Variants in FMN2 observed in about 807,000 individuals in gnomAD.
FMN2 encodes formin-2.
FMN2 carries 51 observed loss-of-function variants against 142.3 expected under a neutral mutation model. That is an observed-to-expected ratio of 0.36 (90% CI 0.29 to 0.45). The LOEUF (loss-of-function observed/expected upper bound fraction) is 0.45. FMN2 is among the 20% of genes least tolerant of loss of function. The pLI, the probability that FMN2 is intolerant of heterozygous loss-of-function variation, is 1.00. For synonymous variants in FMN2, 882 were observed against 869.8 expected, an observed-to-expected ratio of 1.01 and a Z score of -0.25; for missense variants, 1,936 against 2,122.8, an observed-to-expected ratio of 0.91 and a Z score of 1.73.
At chr1:240,199,761 A>G (rs1440199525) in intron 4 of FMN2, among the ~76,000 whole-genome samples, 2 of 152,312 alleles carry the variant, frequency 1.3e-5, no homozygotes, top group South Asian at 2.1e-4. Flanking sequence ...AAAATTGGTA[A>G]TCTATAAAGC....
At chr1:240,273,152 A>G (rs1483596193) in intron 7 of FMN2, among the ~76,000 whole-genome samples, 2 of 152,176 alleles carry the variant, frequency 1.3e-5, no homozygotes, top group African/African-American at 4.8e-5. Context: ...TAAGTTGTAA[A>G]GAGAATTTCT....
At chr1:240,346,863 G>T (rs543072418) in intron 13 of FMN2, among the ~76,000 whole-genome samples, 10 of 152,138 alleles carry the variant, frequency 6.6e-5, no homozygotes, top group African/African-American at 2.2e-4. Flanking sequence ...AAGAACATAA[G>T]AAATTTAAAG....
chr1:240,299,874 T>G (rs1485450268), intron 8 of FMN2, among the ~76,000 whole-genome samples: 1 of 152,102 alleles, frequency 6.6e-6, no homozygotes, highest in East Asian at 1.9e-4. Context: ...GAACAAGTTT[T>G]TCCATGTTTT....
At chr1:240,343,790 G>A (rs1671815792) in intron 13 of FMN2, among the ~76,000 whole-genome samples, 3 of 152,146 alleles carry the variant, frequency 2.0e-5, no homozygotes, top group South Asian at 4.1e-4. Context: ...GAAGTAGAAA[G>A]CAATAAAGAC....
chr1:240,450,247 C>T lies in FMN2; in HGVS notation c.5060+12037C>T, dbSNP rs142449762. On this transcript the variant is annotated intron_variant, in intron 16 of 17. Coordinates refer to ENST00000319653, the MANE Select transcript of FMN2 (RefSeq NM_020066.5). ...CATTTTTGTTTTACAATTAGGCTTT[C>T]TAATTATAACTATAATTTATTAATA... Among the ~76,000 whole-genome samples, 1,135 of 152,200 alleles carry T rather than the reference C, an allele frequency of 7.5e-3. 12 individuals carry two copies. The highest frequency in any genetic ancestry group is 0.025 in the African/African-American group (1,059 of 41,532).
chr1:240,143,009 C>G, intron 2 of FMN2: 1 of 1,530,986 alleles, frequency 6.5e-7, no homozygotes, highest in South Asian at 1.1e-5. Flanking sequence ...CGGTGAGCAG[C>G]CCAGCCATGG....
intron 2 of FMN2, among the ~76,000 whole-genome samples, chr1:240,145,754 C>G (rs749346240): frequency 6.6e-6 from 1 of 151,828 alleles, no homozygotes; most frequent in Non-Finnish European, 1.5e-5. Flanking sequence ...AAGTGATCCT[C>G]CTGCCTCAGC....
intron 2 of FMN2, among the ~76,000 whole-genome samples, chr1:240,138,533 C>G (rs1184473776): frequency 6.6e-6 from 1 of 151,472 alleles, no homozygotes; most frequent in Non-Finnish European, 1.5e-5. Context: ...AACCTCATCT[C>G]TACTAAAAAA....
At chr1:240,178,603 A>G (rs1334741072) in intron 3 of FMN2, among the ~76,000 whole-genome samples, 1 of 151,938 alleles carries the variant, frequency 6.6e-6, no homozygotes, top group African/African-American at 2.4e-5. Flanking sequence ...CACCACGTCC[A>G]GCTAATTTTT....
intron 8 of FMN2, among the ~76,000 whole-genome samples, chr1:240,324,775 C>T (rs189867151): frequency 1.3e-5 from 2 of 150,038 alleles, no homozygotes; most frequent in East Asian, 3.9e-4. Context: ...CCACAAATGA[C>T]TATTTTAAAC....
chr1:240,471,179 G>C (rs1162360268), intron 16 of FMN2, among the ~76,000 whole-genome samples: 1 of 152,106 alleles, frequency 6.6e-6, no homozygotes, highest in Non-Finnish European at 1.5e-5. Context: ...AGAAATACTA[G>C]AAACATTAAA....
At position 240,101,126 on chromosome 1, in the gene FMN2, G is replaced by A. The variant is rs578146703; in HGVS notation, c.1615+7402G>A. ...ATTTCCCTTTTCCGTTTTACCACCA[G>A]CTTCCTATTAGGGCACAAGGCAATC... On this transcript the variant is annotated intron_variant, in intron 1 of 17. Transcript: ENST00000319653. Among the ~76,000 whole-genome samples, 4 of 152,314 alleles carry A rather than the reference G, an allele frequency of 2.6e-5. No homozygotes were observed. In the South Asian group the frequency reaches 8.3e-4, roughly 32 times the overall value.
intron 1 of FMN2, among the ~76,000 whole-genome samples, chr1:240,094,606 T>G (rs1188227690): frequency 6.6e-6 from 1 of 152,196 alleles, no homozygotes; most frequent in Admixed American, 6.5e-5. Context: ...CCCAAGGCCT[T>G]ACCTTAAGAG....
At chr1:240,154,846 C>CCTTCCTTCCTTCCG (rs1558325359) in intron 2 of FMN2, 1 of 81,258 alleles carries the variant, frequency 1.2e-5, no homozygotes, top group East Asian at 3.7e-4. Flanking sequence ...CCTTCCTTCC[C>CCTTCCTTCCTTCCG]TCCCTCCCTC....
chr1:240,351,083 A>G (rs1672081677), intron 13 of FMN2, among the ~76,000 whole-genome samples: 1 of 152,250 alleles, frequency 6.6e-6, no homozygotes, highest in African/African-American at 2.4e-5. Flanking sequence ...GAAGAAATCT[A>G]TCCTCAAAAC....
chr1:240,227,036 T>C lies in FMN2; in HGVS notation c.4065+15801T>C, dbSNP rs565591519. On this transcript the variant is annotated intron_variant, in intron 6 of 17. Transcript: ENST00000319653. ...GGGAAAGAAATAAATGGTCTCCTGA[T>C]TGGAATGGAAGCAGCAAAACATTTT... is the stretch of plus-strand genomic sequence containing the variant. Among the ~76,000 whole-genome samples, 7 of 152,236 alleles carry C rather than the reference T, an allele frequency of 4.6e-5. No individual in the cohort carries two copies. In the South Asian group the frequency reaches 1.5e-3, roughly 32 times the overall value.
At chr1:240,198,445 C>T (rs755793393) in intron 4 of FMN2, among the ~76,000 whole-genome samples, 1 of 152,092 alleles carries the variant, frequency 6.6e-6, no homozygotes, top group Non-Finnish European at 1.5e-5. Context: ...CTCAGTCATC[C>T]GTGAAGGAAT....
chr1:240,386,244 G>T (rs558574522), intron 14 of FMN2, among the ~76,000 whole-genome samples: 1 of 152,302 alleles, frequency 6.6e-6, no homozygotes, highest in East Asian at 1.9e-4. Context: ...AACTTTAAAT[G>T]AGTCAGAAGA....
chr1:240,315,389 A>G (rs781580236), intron 8 of FMN2, among the ~76,000 whole-genome samples: 19 of 152,186 alleles, frequency 1.2e-4, no homozygotes, highest in Non-Finnish European at 2.5e-4. Context: ...CTTACTTCCC[A>G]TGATTGCAAC....
Sources: gnomAD v4.1 joint callset for allele counts (sites outside exome capture counted in the v4.1 genomes callset) on GRCh38, gnomAD v4.1.1 for gene constraint, MANE v1.5 for transcripts, NCBI Gene and HGNC (gene_info 2026-07-23, HGNC 2026-07-21) for gene names.